DDX31: variants seen among roughly 807,000 people sequenced by gnomAD.
The protein encoded by DDX31 is DEAD-box helicase 31, also known as ATP-dependent DNA helicase DDX31.
In DDX31, 70 loss-of-function variants were observed where a neutral mutation model predicts 91.3. The observed-to-expected ratio is 0.77, with a 90% CI of 0.63 to 0.94. DDX31 has a LOEUF of 0.94. Ranked by LOEUF, DDX31 falls within the 40% of genes least tolerant of loss-of-function variation. The pLI is 0.00. For synonymous variants in DDX31, 362 were observed against 350.6 expected (o/e 1.03, Z -0.36); for missense variants, 902 against 925.0 (o/e 0.98, Z 0.32).
chr9:132,669,576 CG>C, intron 1 of DDX31: 1 of 1,476,660 alleles, frequency 6.8e-7, no homozygotes, highest in Non-Finnish European at 9.0e-7. Flanking sequence ...CTACCTTCCA[CG>C]GGAAACAGCC....
At position 132,630,413 on chromosome 9, in the gene DDX31, GT is replaced by G; in HGVS notation, c.1492-11del. ...AAGATGGAGCGTTGTACTAAAAAGG[GT>G]AACAAAAATGAAGGCATTCATAGAT... On this transcript the variant is annotated splice_polypyrimidine_tract_variant and intron_variant, in intron 15 of 19. Transcript: ENST00000372159. The G allele has an allele frequency of 6.3e-7, 1 of 1,576,252 alleles. No individual in the cohort carries two copies. The highest frequency in any genetic ancestry group is 8.7e-7 in the Non-Finnish European group (1 of 1,151,036).
intron 19 of DDX31, among the ~76,000 whole-genome samples, chr9:132,608,727 C>T (rs1469369560): frequency 1.3e-5 from 2 of 152,156 alleles, no homozygotes; most frequent in Non-Finnish European, 2.9e-5. Context: ...ACATAAGGAA[C>T]CCATTCTCTT....
At chr9:132,653,855 A>G (rs1834377857) in intron 6 of DDX31, among the ~76,000 whole-genome samples, 1 of 152,108 alleles carries the variant, frequency 6.6e-6, no homozygotes, top group African/African-American at 2.4e-5. Context: ...ATAAATGTAC[A>G]AAAATAACCA....
rs761376670 is a variant in DDX31, at chr9:132,606,733, A to G, written c.1994+5354T>C. Among the ~76,000 whole-genome samples, 96 of 152,152 alleles carry G rather than the reference A, an allele frequency of 6.3e-4. 1 individual carries two copies. Among genetic ancestry groups the G allele is most frequent in the Admixed American group, 2.6e-4 (4 of 15,280 alleles). ...CTGTAAGTGGCCCGGCCAGGATTCA[A>G]TCCTGGTGTCTGTGTGATTCAATCC... On this transcript the variant is annotated intron_variant, in intron 19 of 19. Transcript: ENST00000372159.
intron 13 of DDX31, among the ~76,000 whole-genome samples, chr9:132,644,738 G>C (rs11243858): frequency 0.19 from 29,142 of 152,040 alleles, 3,583 homozygotes; most frequent in East Asian, 0.42. Flanking sequence ...AGTAAACAAA[G>C]CTTGAAACAA....
intron 14 of DDX31, among the ~76,000 whole-genome samples, chr9:132,632,908 A>G (rs189854765): frequency 3.5e-4 from 53 of 152,350 alleles, no homozygotes; most frequent in Admixed American, 1.8e-3. Flanking sequence ...TCACCATTCT[A>G]GCAGACCAGA....
At chr9:132,658,226 A>T (rs1834694228) in intron 6 of DDX31, 1 of 699,254 alleles carries the variant, frequency 1.4e-6, no homozygotes, top group African/African-American at 1.8e-5. Context: ...ACACAAGAGT[A>T]AGGAGCTTGG....
rs192995916 is a variant in DDX31, at chr9:132,595,870, G to A, written c.1995-758C>T. On this transcript the variant is annotated intron_variant, in intron 19 of 19. Coordinates refer to ENST00000372159, the MANE Select transcript of DDX31 (RefSeq NM_022779.9). The surrounding 1 kb of genome is among the most constrained non-coding windows in gnomAD (Gnocchi z 4.6). ...GATGTCGAATCCTGATAACTGTTCT[G>A]AAAAGATGGCAATTTTACCATTTGA... Among the ~76,000 whole-genome samples, 44 of 152,306 alleles carry A rather than the reference G, an allele frequency of 2.9e-4. No homozygotes were observed. The highest frequency in any genetic ancestry group is 9.1e-4 in the African/African-American group (38 of 41,562).
intron 14 of DDX31, among the ~76,000 whole-genome samples, chr9:132,636,257 A>T (rs1833107901): frequency 6.6e-6 from 1 of 152,362 alleles, no homozygotes; most frequent in Non-Finnish European, 1.5e-5. Flanking sequence ...GATGCCTTTG[A>T]GAACACAATT....
intron 17 of DDX31, 136 bp downstream of exon 17, chr9:132,625,528 C>T: frequency 1.5e-6 from 1 of 688,002 alleles, no homozygotes; most frequent in Admixed American, 3.0e-5. Context: ...CAAGATTTGG[C>T]CTCATCTAAT....
intron 1 of DDX31, chr9:132,663,349 C>T (rs895231289): frequency 7.8e-7 from 1 of 1,283,624 alleles, no homozygotes; most frequent in African/African-American, 1.5e-5. Flanking sequence ...CCATCCATCA[C>T]CTCTACCACA....
chr9:132,637,994 A>G, intron 14 of DDX31: 1 of 1,062,310 alleles, frequency 9.4e-7, no homozygotes, highest in East Asian at 7.4e-5. Context: ...AGAACTGCAC[A>G]GACAGAACAG....
At chr9:132,668,166 T>C (rs1236243887) in intron 1 of DDX31, among the ~76,000 whole-genome samples, 1 of 152,146 alleles carries the variant, frequency 6.6e-6, no homozygotes, top group African/African-American at 2.4e-5. Flanking sequence ...ATCCTAAAGT[T>C]TGATGATCAC....
At chr9:132,623,590 A>AAAAG (rs1215229815) in intron 17 of DDX31, among the ~76,000 whole-genome samples, 1 of 151,850 alleles carries the variant, frequency 6.6e-6, no homozygotes, top group Non-Finnish European at 1.5e-5. Flanking sequence ...GAAAAAAGAA[A>AAAAG]AAAGAAAGGT....
chr9:132,667,589 C>T (rs770493741), intron 1 of DDX31, among the ~76,000 whole-genome samples: 3 of 148,576 alleles, frequency 2.0e-5, no homozygotes, highest in Admixed American at 6.6e-5. Context: ...GGAGACAGAG[C>T]GAGACTCCAT....
At chr9:132,627,881 C>A (rs1048546739) in intron 16 of DDX31, among the ~76,000 whole-genome samples, 1 of 152,232 alleles carries the variant, frequency 6.6e-6, no homozygotes, top group Admixed American at 6.5e-5. Context: ...GCCCCTCTGC[C>A]TGGCTCTCAT....
In DDX31 at chr9:132,595,969, A is replaced by G. The variant is rs1434646628; in HGVS notation, c.1995-857T>C. ...AGAATGATTATGAAAACTGAAGAGT[A>G]AAACAATGTTTCTTAAGACAGGATT... On this transcript the variant is annotated intron_variant, in intron 19 of 19. Transcript: ENST00000372159. The surrounding 1 kb of genome is among the most constrained non-coding windows in gnomAD (Gnocchi z 4.6). Among the ~76,000 whole-genome samples, 1 of 152,278 alleles carries G rather than the reference A, an allele frequency of 6.6e-6. No individual in the cohort carries two copies. The highest frequency in any genetic ancestry group is 6.5e-5 in the Admixed American group (1 of 15,284).
intron 5 of DDX31, among the ~76,000 whole-genome samples, chr9:132,659,011 ACACAGAAGCT>A (rs2130829451): frequency 6.6e-6 from 1 of 152,314 alleles, no homozygotes; most frequent in Admixed American, 6.5e-5. Context: ...CTCCCAAATT[ACACAGAAGCT>A]CAACTTGATG....
chr9:132,614,817 T>C lies in DDX31; in HGVS notation c.1826-2562A>G, dbSNP rs530738306. Among the ~76,000 whole-genome samples the C allele has an allele frequency of 3.9e-5, 6 of 152,286 alleles. No homozygotes were observed. The South Asian group carries it at 1.2e-3, about 32-fold the overall frequency. On this transcript the variant is annotated intron_variant, in intron 18 of 19. Coordinates refer to ENST00000372159, the MANE Select transcript of DDX31 (RefSeq NM_022779.9). The stretch of plus-strand genomic sequence containing the variant: ...CCCAGACAACTGGCCAGGCAGCATT[T>C]CACACTGCATATTTTTACTAAACCT...
Sources: gnomAD v4.1 joint callset for allele counts (sites outside exome capture counted in the v4.1 genomes callset) on GRCh38, gnomAD v4.1.1 for gene constraint, Gnocchi (gnomAD v3.1) non-coding constraint, MANE v1.5 for transcripts, NCBI Gene and HGNC (gene_info 2026-07-23, HGNC 2026-07-21) for gene names.